The following HNRNPA3 variants were observed in gnomAD, a reference collection of about 807,000 sequenced individuals.
The protein encoded by HNRNPA3 is heterogeneous nuclear ribonucleoprotein A3, also known as epididymis secretory sperm binding protein.
A neutral mutation model predicts 45.8 loss-of-function variants in HNRNPA3; 3 were observed. The ratio of observed to expected loss-of-function variants is 0.07; its 90% confidence interval spans 0.03 to 0.17. The LOEUF (loss-of-function observed/expected upper bound fraction) is 0.17. Ranked by LOEUF, HNRNPA3 falls within the 10% of genes least tolerant of loss-of-function variation. HNRNPA3 has a pLI of 1.00. For synonymous variants in HNRNPA3, 170 were observed against 155.6 expected, an observed-to-expected ratio of 1.09 and a Z score of -0.69; for missense variants, 183 against 480.3, an observed-to-expected ratio of 0.38 and a Z score of 5.79.
chr2:177,221,568 T>G (rs573152951), downstream of HNRNPA3: 9 of 152,788 alleles, frequency 5.9e-5, no homozygotes, highest in African/African-American at 1.9e-4. Flanking sequence ...GTGACCTGTT[T>G]ATAAGTTGTA....
chr2:177,213,772 T>G (rs1220190948), intron 1 of HNRNPA3, among the ~76,000 whole-genome samples: 1 of 152,246 alleles, frequency 6.6e-6, no homozygotes, highest in Non-Finnish European at 1.5e-5. Flanking sequence ...TATCTTCATG[T>G]TTTCCCATTC....
In HNRNPA3 at chr2:177,219,326, T is replaced by TA; in HGVS notation, c.*15+15dup. The TA allele has an allele frequency of 6.4e-7, 1 of 1,570,704 alleles. No individual in the cohort carries two copies. Among genetic ancestry groups the TA allele is most frequent in the Non-Finnish European group, 8.7e-7 (1 of 1,147,328 alleles). On this transcript the variant is annotated intron_variant, in intron 10 of 10. Coordinates refer to ENST00000392524, the Ensembl canonical transcript of HNRNPA3. The stretch of plus-strand genomic sequence containing the variant: ...AACAGCAGAAAAGGGTAGGTATCTT[T>TA]AAATTTTTATTATGATGATAAAAGA...
exon 2 of HNRNPA3, chr2:177,215,607 A>G (rs759494719): frequency 1.9e-6 from 3 of 1,613,082 alleles, no homozygotes; most frequent in Non-Finnish European, 1.7e-6. Flanking sequence ...TTGAAACTAC[A>G]GATGATAGTT....
chr2:177,220,411 G>A (rs1250571928), downstream of HNRNPA3: 1 of 154,428 alleles, frequency 6.5e-6, no homozygotes, highest in African/African-American at 2.4e-5. Flanking sequence ...GCAAATTAGT[G>A]GGTACCTTTT....
chr2:177,215,492 A>G, intron 1 of HNRNPA3, 47 bp from the exon 2 acceptor site: 3 of 1,593,550 alleles, frequency 1.9e-6, no homozygotes, highest in South Asian at 2.2e-5. Flanking sequence ...GTGCATCTTA[A>G]TTCATCTACT....
intron 1 of HNRNPA3, among the ~76,000 whole-genome samples, chr2:177,213,285 G>A (rs1011948001): frequency 2.6e-5 from 4 of 152,196 alleles, no homozygotes; most frequent in Non-Finnish European, 4.4e-5. Flanking sequence ...CCGCCGCCGC[G>A]TTACGAAATG....
chr2:177,218,023 A>G (rs1203052068), intron 8 of HNRNPA3, among the ~76,000 whole-genome samples, 178 bp downstream of exon 8: 1 of 148,962 alleles, frequency 6.7e-6, no homozygotes, highest in African/African-American at 2.5e-5. Flanking sequence ...ATTTAGTAAA[A>G]TGTACAAATG....
chr2:177,217,014 T>A (rs1688971423), intron 7 of HNRNPA3, 74 bp downstream of exon 7: 1 of 1,344,324 alleles, frequency 7.4e-7, no homozygotes, highest in Admixed American at 3.1e-5. Context: ...ATTACACTTT[T>A]CTAATTTTAG....
intron 10 of HNRNPA3, 24 bp from the exon 11 acceptor site, chr2:177,219,384 T>C (rs1689094906): frequency 1.7e-6 from 2 of 1,205,100 alleles, no homozygotes; most frequent in Non-Finnish European, 2.4e-6. Context: ...TGTAATAATT[T>C]TTTTATCCTG....
At chr2:177,216,751 G>T (rs1220692457) in exon 6 of HNRNPA3, 2 of 1,614,100 alleles carry the variant, frequency 1.2e-6, no homozygotes, top group African/African-American at 2.7e-5. Context: ...TTTGGCCGTG[G>T]TGGAAACTTT....
At chr2:177,217,971 ATG>A in intron 8 of HNRNPA3, 126 bp downstream of exon 8, 1 of 1,002,678 alleles carries the variant, frequency 1.0e-6, no homozygotes. Context: ...AAATACTAAA[ATG>A]GTTGGTAGTT....
chr2:177,214,302 G>A (rs1488232418), intron 1 of HNRNPA3, among the ~76,000 whole-genome samples: 1 of 152,098 alleles, frequency 6.6e-6, no homozygotes, highest in Non-Finnish European at 1.5e-5. Context: ...AAATTGAGTT[G>A]TAAATTGCAG....
intron 7 of HNRNPA3, 128 bp downstream of exon 7, chr2:177,217,068 G>T (rs372423342): frequency 3.3e-5 from 33 of 1,001,274 alleles, no homozygotes; most frequent in South Asian, 3.3e-4. Context: ...TTTCCAAACT[G>T]TACATGGAAG....
chr2:177,222,243 T>C (rs1202018950), downstream of HNRNPA3: 1 of 152,536 alleles, frequency 6.6e-6, no homozygotes, highest in South Asian at 2.1e-4. Context: ...TTGGAAAAAT[T>C]CTTCAACTGA....
downstream of HNRNPA3, chr2:177,223,544 A>T: frequency 6.6e-6 from 1 of 152,220 alleles, no homozygotes; most frequent in East Asian, 1.9e-4. Context: ...GTAATAAAGT[A>T]TATTTGTTAA....
downstream of HNRNPA3, chr2:177,222,966 A>G (rs1192532743): frequency 1.6e-4 from 24 of 152,610 alleles, 1 homozygote; most frequent in Admixed American, 1.6e-3. Flanking sequence ...ACATTTTCCC[A>G]AAGAACACTG....
At chr2:177,215,764 C>T in exon 3 of HNRNPA3, 7 of 1,607,834 alleles carry the variant, frequency 4.4e-6, no homozygotes, top group Non-Finnish European at 5.9e-6. Context: ...TGAGAGACCC[C>T]CAAACAAAAC....
chr2:177,220,992 A>C (rs1689167808), downstream of HNRNPA3: 1 of 152,624 alleles, frequency 6.6e-6, no homozygotes, highest in South Asian at 2.1e-4. Flanking sequence ...AAAAAGGGGA[A>C]TGGGGTGTGC....
At chr2:177,219,312 A>C in exon 10 of HNRNPA3, 1 of 1,606,694 alleles carries the variant, frequency 6.2e-7, no homozygotes, top group Non-Finnish European at 8.5e-7. Context: ...ACAGCAGAAA[A>C]GGGTAGGTAT....
Sources: allele counts gnomAD v4.1 joint callset (sites outside exome capture counted in the v4.1 genomes callset), GRCh38; gene constraint gnomAD v4.1.1; transcripts MANE v1.5; gene names NCBI Gene and HGNC (gene_info 2026-07-23, HGNC 2026-07-21).